Variants in DNAJC13 observed in about 807,000 individuals in gnomAD.
DNAJC13 encodes the protein DnaJ heat shock protein family (Hsp40) member C13.
A neutral mutation model predicts 290.5 loss-of-function variants in DNAJC13; 75 were observed. The ratio of observed to expected loss-of-function variants is 0.26; its 90% confidence interval spans 0.21 to 0.31. The LOEUF (loss-of-function observed/expected upper bound fraction) is 0.31. Ranked by LOEUF, DNAJC13 falls within the 10% of genes least tolerant of loss-of-function variation. The probability of loss-of-function intolerance (pLI) is 1.00; values close to 1 mark genes in which losing one functional copy is unlikely to be tolerated. For missense variants in DNAJC13, 2,260 were observed against 2,674.5 expected (o/e 0.85, Z 3.42); for synonymous variants, 862 against 892.0 (o/e 0.97, Z 0.60).
At chr3:132,423,622 A>G (rs915855717) in intron 1 of DNAJC13, among the ~76,000 whole-genome samples, 55 of 152,260 alleles carry the variant, frequency 3.6e-4, no homozygotes, top group African/African-American at 1.1e-3. Context: ...GTAGTGTTCT[A>G]TAAACTGTAA....
chr3:132,535,234 G>C (rs1456972356), intron 55 of DNAJC13, among the ~76,000 whole-genome samples: 1 of 152,154 alleles, frequency 6.6e-6, no homozygotes, highest in Middle Eastern at 3.2e-3. Flanking sequence ...CTTCTCTCTG[G>C]CTGCTGAGTA....
intron 46 of DNAJC13, among the ~76,000 whole-genome samples, chr3:132,515,392 C>T (rs914194816): frequency 2.6e-5 from 4 of 151,888 alleles, no homozygotes; most frequent in African/African-American, 9.7e-5. Flanking sequence ...CAGTGGCTTG[C>T]TTATGTTTGG....
At chr3:132,516,894 C>CT in intron 48 of DNAJC13, 78 bp downstream of exon 48, 1 of 1,197,964 alleles carries the variant, frequency 8.3e-7, no homozygotes, top group Non-Finnish European at 1.2e-6. Flanking sequence ...AAGAAGTTTA[C>CT]TGAAATCTGA....
At chr3:132,499,010 C>T in intron 36 of DNAJC13, 116 bp from the exon 37 acceptor site, 1 of 953,768 alleles carries the variant, frequency 1.0e-6, no homozygotes, top group Non-Finnish European at 1.5e-6. Flanking sequence ...GCCACCATGC[C>T]TGGCCCCATT....
intron 1 of DNAJC13, among the ~76,000 whole-genome samples, chr3:132,423,903 T>C (rs1199976333): frequency 2.0e-5 from 3 of 152,204 alleles, no homozygotes; most frequent in African/African-American, 7.2e-5. Flanking sequence ...ATATGGCTGC[T>C]AAAAATTTCT....
At chr3:132,472,564 A>T in intron 20 of DNAJC13, 1 of 985,440 alleles carries the variant, frequency 1.0e-6, no homozygotes, top group Non-Finnish European at 1.2e-6. Flanking sequence ...CAGGACAAAA[A>T]CAATATGGTG....
At chr3:132,477,135 G>GAT (rs1934497933) in intron 22 of DNAJC13, among the ~76,000 whole-genome samples, 1 of 152,126 alleles carries the variant, frequency 6.6e-6, no homozygotes, top group Non-Finnish European at 1.5e-5. Context: ...ATGAAATGAA[G>GAT]ATATATATTT....
chr3:132,435,581 T>C (rs981553211), intron 2 of DNAJC13, among the ~76,000 whole-genome samples: 2 of 152,220 alleles, frequency 1.3e-5, no homozygotes, highest in Non-Finnish European at 2.9e-5. Context: ...CTCAATTGTA[T>C]GAACTCCTAA....
chr3:132,502,678 C>G (rs115643827), intron 40 of DNAJC13, among the ~76,000 whole-genome samples: 27 of 152,128 alleles, frequency 1.8e-4, no homozygotes, highest in Admixed American at 5.9e-4. Flanking sequence ...AGGGAATTTG[C>G]AATAGCATAT....
chr3:132,430,287 G>C (rs534489630), intron 1 of DNAJC13, among the ~76,000 whole-genome samples: 104 of 151,812 alleles, frequency 6.9e-4, no homozygotes, highest in African/African-American at 2.4e-3. Flanking sequence ...GTACCTATGA[G>C]GTCATTCTTT....
At position 132,466,363 on chromosome 3, in the gene DNAJC13, T is replaced by C; in HGVS notation, c.2033T>C (p.Met678Thr). 6.2e-7 allele frequency: 1 copy of C among 1,602,876 alleles called. No homozygotes were observed. The highest frequency in any genetic ancestry group is 8.5e-7 in the Non-Finnish European group (1 of 1,176,952). Reference sequence around the variant, plus strand: ...GTACCTGAGAAGGATGCTGATCGGATGCATGTTAGAGACAATGTGAAAATA... The same window carrying C: ...GTACCTGAGAAGGATGCTGATCGGACGCATGTTAGAGACAATGTGAAAATA... ...DLVPEKDADR[M>T]HVRDNVKIAM... is the part of the protein sequence containing the mutation. Residue 678 changes from methionine to threonine, a missense_variant, in exon 19 of 56, where the codon ATG (methionine) becomes ACG (threonine). Around this residue, in one of 3 missense-constraint regions of DNAJC13, gnomAD observed 762 missense variants for 964.1 expected, o/e 0.79. Transcript: ENST00000260818.
At chr3:132,461,736 G>T (rs1294000670) in intron 15 of DNAJC13, among the ~76,000 whole-genome samples, 2 of 152,016 alleles carry the variant, frequency 1.3e-5, no homozygotes, top group African/African-American at 2.4e-5. Flanking sequence ...CTGTTGCCCA[G>T]ACTGGAGTGC....
intron 1 of DNAJC13, among the ~76,000 whole-genome samples, chr3:132,418,541 A>G (rs1938866303): frequency 6.6e-6 from 1 of 152,200 alleles, no homozygotes; most frequent in African/African-American, 2.4e-5. Flanking sequence ...GAAAAAAGTA[A>G]AGATTTCACC....
At position 132,440,804 on chromosome 3, in the gene DNAJC13, A is replaced by G. The variant is rs111987048; in HGVS notation, c.69-5671A>G. Among the ~76,000 whole-genome samples, 273 of 152,366 alleles carry G rather than the reference A, an allele frequency of 1.8e-3. 1 individual carries two copies. The highest frequency in any genetic ancestry group is 0.014 in the Middle Eastern group (4 of 294). ...TGTTAAGCAACGCATGACTGTATGT[A>G]TTATCCATATCTTTCAGTCGAGGAA... On this transcript the variant is annotated intron_variant, in intron 2 of 55. Transcript: ENST00000260818.
chr3:132,505,362 A>G lies in DNAJC13; in HGVS notation c.4945A>G (p.Arg1649Gly). ...SPYLIWNNSTRAELLEFLESQ... is the reference protein window; with the variant it reads ...SPYLIWNNSTGAELLEFLESQ... The stretch of plus-strand genomic sequence containing the variant: ...ATATTTGATATGGAACAATTCTACA[A>G]GAGCAGAATTACTTGAATTTCTTGA... Residue 1649 changes from arginine (R) to glycine (G), a missense_variant, in exon 42 of 56, where the codon AGA becomes GGA. Arg to Gly is a moderately radical substitution (Grantham distance 125, BLOSUM62 -2). Coordinates refer to ENST00000260818, the MANE Select transcript of DNAJC13 (RefSeq NM_015268.4). 6.2e-7 allele frequency: 1 copy of G among 1,611,396 alleles called. No individual in the cohort carries two copies. Among genetic ancestry groups the G allele is most frequent in the Non-Finnish European group, 8.5e-7 (1 of 1,178,660 alleles).
chr3:132,424,023 A>C (rs1180019609), intron 1 of DNAJC13, among the ~76,000 whole-genome samples: 4 of 152,194 alleles, frequency 2.6e-5, no homozygotes, highest in African/African-American at 4.8e-5. Context: ...GAAATAGTAT[A>C]GTTTGTTCTT....
At chr3:132,418,571 C>T (rs1194903010) in intron 1 of DNAJC13, among the ~76,000 whole-genome samples, 1 of 152,066 alleles carries the variant, frequency 6.6e-6, no homozygotes, top group Admixed American at 6.6e-5. Context: ...CGGTGGTCTC[C>T]CAAAGTAATT....
chr3:132,447,602 T>A, intron 4 of DNAJC13, 132 bp downstream of exon 4: 1 of 942,908 alleles, frequency 1.1e-6, no homozygotes, highest in Non-Finnish European at 1.5e-6. Flanking sequence ...TACTGACCTT[T>A]AACTTGACCC....
intron 43 of DNAJC13, among the ~76,000 whole-genome samples, chr3:132,509,870 CTT>C (rs1254682097): frequency 6.6e-6 from 1 of 152,038 alleles, no homozygotes; most frequent in Non-Finnish European, 1.5e-5. Context: ...GTAAAAATAA[CTT>C]TTATATGCAC....
Sources: gnomAD v4.1 joint callset for allele counts (sites outside exome capture counted in the v4.1 genomes callset) on GRCh38, gnomAD v4.1.1 for gene constraint, gnomAD v4.1.1 regional missense constraint, MANE v1.5 for transcripts, NCBI Gene and HGNC (gene_info 2026-07-23, HGNC 2026-07-21) for gene names.